FAM149A: variants seen among roughly 807,000 people sequenced by gnomAD.
FAM149A encodes family with sequence similarity 149 member A.
In FAM149A, 71 loss-of-function variants were observed where a neutral mutation model predicts 78.2. The ratio of observed to expected loss-of-function variants is 0.91; its 90% CI spans 0.75 to 1.11. The LOEUF (loss-of-function observed/expected upper bound fraction) is 1.11, where lower values mean the gene tolerates loss of function less well. Ranked by LOEUF, FAM149A falls within the 50% of genes least tolerant of loss-of-function variation. FAM149A has a pLI of 0.00. For synonymous variants in FAM149A, 446 were observed against 410.5 expected, an observed-to-expected ratio of 1.09 and a Z score of -1.04; for missense variants, 1,036 against 971.0, an observed-to-expected ratio of 1.07 and a Z score of -0.89.
intron 1 of FAM149A, chr4:186,130,272 T>TCC (rs1286110053): frequency 1.4e-3 from 45 of 32,134 alleles, no homozygotes; most frequent in African/African-American, 5.7e-3. Context: ...AATCTCTCTC[T>TCC]CTCTCTCTCT....
chr4:186,156,156 G>T lies in FAM149A; in HGVS notation c.1386G>T (p.Glu462Asp). The T allele has an allele frequency of 2.5e-6, 4 of 1,613,376 alleles. No individual in the cohort carries two copies. The South Asian group carries it at 4.4e-5, about 18-fold the overall frequency. Residue 462 changes from glutamate to aspartate, a missense_variant, in exon 7 of 14, where the codon GAG becomes GAT. Around this residue, in one of 3 missense-constraint regions of FAM149A, gnomAD observed 716 missense variants for 711.8 expected, o/e 1.01. Coordinates refer to ENST00000389354, the MANE Select transcript of FAM149A (RefSeq NM_001367768.3). The stretch of plus-strand genomic sequence containing the variant: ...CAAATATGGTAGAACTTTTGGAAGA[G>T]CTGATTAGAAAACACTGGGAAACTA...
At chr4:186,109,106 C>G in intron 1 of FAM149A, 2 of 879,688 alleles carry the variant, frequency 2.3e-6, no homozygotes, top group Non-Finnish European at 2.7e-6. Context: ...CTCGGCCTCC[C>G]GAAGTGCTGG....
At chr4:186,137,254 T>G (rs1011095591) in intron 1 of FAM149A, among the ~76,000 whole-genome samples, 1 of 151,222 alleles carries the variant, frequency 6.6e-6, no homozygotes, top group African/African-American at 2.4e-5. Flanking sequence ...TGACCCTCTT[T>G]TTTTTTTTTC....
intron 1 of FAM149A, chr4:186,133,386 A>G (rs2099321582): frequency 6.2e-6 from 1 of 160,262 alleles, no homozygotes; most frequent in African/African-American, 2.4e-5. Context: ...CCTGGCAACC[A>G]CCATTCTGCT....
At chr4:186,153,459 C>T (rs1733774065) in intron 4 of FAM149A, 186 bp from the exon 5 acceptor site, 1 of 985,162 alleles carries the variant, frequency 1.0e-6, no homozygotes, top group South Asian at 4.7e-5. Flanking sequence ...GAGACTGAGT[C>T]AGTGGAAGAA....
At chr4:186,109,933 G>T in intron 1 of FAM149A, 3 of 985,386 alleles carry the variant, frequency 3.0e-6, no homozygotes, top group Non-Finnish European at 3.6e-6. Context: ...TGAGTGCTGT[G>T]TAACACCCAG....
intron 13 of FAM149A, chr4:186,169,196 G>A (rs1561420692): frequency 1.0e-6 from 1 of 984,164 alleles, no homozygotes; most frequent in Non-Finnish European, 1.2e-6. Context: ...TCTCTTATCA[G>A]TAACTTTTTT....
At chr4:186,154,744 C>T (rs1192140688) in intron 6 of FAM149A, 106 bp downstream of exon 6, 26 of 1,442,622 alleles carry the variant, frequency 1.8e-5, no homozygotes, top group Non-Finnish European at 2.4e-5. Context: ...TTTTACTCAC[C>T]CAAAAGATTT....
chr4:186,153,893 G>A, intron 5 of FAM149A, 123 bp downstream of exon 5: 1 of 1,045,994 alleles, frequency 9.6e-7, no homozygotes, highest in South Asian at 1.7e-5. Context: ...TCTGATGAAG[G>A]GCAGGTACAG....
chr4:186,123,767 A>G (rs1385916514), intron 1 of FAM149A: 1 of 900,616 alleles, frequency 1.1e-6, no homozygotes, highest in African/African-American at 1.8e-5. Flanking sequence ...AAATTGTGAC[A>G]AACTAATGTG....
intron 1 of FAM149A, 106 bp from the exon 2 acceptor site, chr4:186,149,067 A>T: frequency 1.1e-6 from 1 of 896,174 alleles, no homozygotes; most frequent in Non-Finnish European, 1.5e-6. Flanking sequence ...GGGATGTGGC[A>T]GAACGAGAGG....
intron 13 of FAM149A, chr4:186,170,760 C>G (rs1735460069): frequency 6.6e-6 from 1 of 152,334 alleles, no homozygotes; most frequent in Non-Finnish European, 1.5e-5. Context: ...CCGGATCTCC[C>G]AGCACTGTCT....
chr4:186,173,795 G>A lies in FAM149A; in HGVS notation c.*1808G>A, dbSNP rs148056003. On this transcript the variant is annotated 3_prime_UTR_variant, in exon 14 of 14. Transcript: ENST00000389354. ...GAAGATTGCTAATGCTTAGTTTCCT[G>A]CACAAAGCAAACCAAAGCATTTTTG... Among the ~76,000 whole-genome samples the A allele has an allele frequency of 1.2e-3, 140 of 112,734 alleles. 32 individuals carry two copies. The East Asian group carries it at 0.026, about 21-fold the overall frequency. The allele number at this position is 112,734 out of a possible 152,430, so 74.0% of individuals were successfully genotyped here.
At chr4:186,151,493 C>A (rs1227975268) in intron 3 of FAM149A, among the ~76,000 whole-genome samples, 1 of 151,956 alleles carries the variant, frequency 6.6e-6, no homozygotes, top group African/African-American at 2.4e-5. Flanking sequence ...AAAAAAAAAT[C>A]TTGTATTTTG....
intron 1 of FAM149A, among the ~76,000 whole-genome samples, chr4:186,133,902 C>T (rs2099321797): frequency 6.6e-6 from 1 of 152,152 alleles, no homozygotes; most frequent in African/African-American, 2.4e-5. Context: ...GTGATCAGCC[C>T]ACCTCAGCCT....
chr4:186,112,972 G>A (rs1402295890), intron 1 of FAM149A, among the ~76,000 whole-genome samples: 3 of 138,256 alleles, frequency 2.2e-5, no homozygotes, highest in Non-Finnish European at 3.1e-5. Context: ...AGAAGGCATG[G>A]TACCAGTTCC....
At chr4:186,136,976 T>TCTCTCTCTCTC (rs2099323291) in intron 1 of FAM149A, among the ~76,000 whole-genome samples, 3 of 72,090 alleles carry the variant, frequency 4.2e-5, no homozygotes, top group African/African-American at 6.2e-5. Flanking sequence ...CTCTCTCTCT[T>TCTCTCTCTCTC]TCTCTCTCTC....
At chr4:186,108,332 A>G (rs950998614) in intron 1 of FAM149A, among the ~76,000 whole-genome samples, 6 of 152,200 alleles carry the variant, frequency 3.9e-5, no homozygotes, top group Non-Finnish European at 8.8e-5. Flanking sequence ...CCTGAGTTCT[A>G]AAGGAAAACC....
rs1189576702 is a variant in FAM149A, at chr4:186,136,956, CTCTCTCTT to C, written c.567-12209_567-12202del. 6.9e-3 allele frequency among the ~76,000 whole-genome samples: 732 copies of C among 105,582 alleles called. 9 individuals are homozygous for C. The highest frequency in any genetic ancestry group is 0.024 in the African/African-American group (572 of 23,380). The allele number at this position is 105,582 out of a possible 152,430, so 69.3% of individuals were successfully genotyped here. ...GATTGATCTCTCTCTCTCTCTCTCT[CTCTCTCTT>C]TCTCTCTCTCTTTCTCTCTCTCTCT... On this transcript the variant is annotated intron_variant, in intron 1 of 13. Coordinates refer to ENST00000389354, the MANE Select transcript of FAM149A (RefSeq NM_001367768.3).
Sources: allele counts gnomAD v4.1 joint callset (sites outside exome capture counted in the v4.1 genomes callset), GRCh38; gene constraint gnomAD v4.1.1; regional missense constraint gnomAD v4.1.1; transcripts MANE v1.5; gene names NCBI Gene and HGNC (gene_info 2026-07-23, HGNC 2026-07-21).